The following CTSH variants were observed in gnomAD, a reference collection of about 807,000 sequenced individuals.
CTSH encodes the protein cathepsin H, also known as pro-cathepsin H.
CTSH carries 52 observed loss-of-function variants against 56.3 expected under a neutral mutation model. The ratio of observed to expected loss-of-function variants is 0.92; its 90% CI spans 0.74 to 1.16. CTSH has a LOEUF of 1.16. CTSH is among the 50% of genes most tolerant of loss of function. The pLI is 0.00. For missense variants in CTSH, 406 were observed against 424.5 expected (o/e 0.96, Z 0.38); for synonymous variants, 174 against 155.7 (o/e 1.12, Z -0.88).
At chr15:78,936,181 T>C (rs915691293) in intron 3 of CTSH, among the ~76,000 whole-genome samples, 5 of 4,736 alleles carry the variant, frequency 1.1e-3, no homozygotes, top group Non-Finnish European at 2.9e-3. Flanking sequence ...TTTTCTTTTC[T>C]TTTTTTTTTT....
At chr15:78,928,103 GC>G (rs1362371292) in intron 8 of CTSH, among the ~76,000 whole-genome samples, 1 of 152,186 alleles carries the variant, frequency 6.6e-6, no homozygotes, top group Non-Finnish European at 1.5e-5. Context: ...GACAGTCTCA[GC>G]CCAAAAAACA....
At chr15:78,935,203 C>T (rs2055150579) in intron 4 of CTSH, 121 bp from the exon 5 acceptor site, 1 of 688,188 alleles carries the variant, frequency 1.5e-6, no homozygotes. Context: ...GGCTGCAGCT[C>T]TCAGAACCTT....
intron 11 of CTSH, 88 bp downstream of exon 11, chr15:78,922,905 C>T (rs2289692): frequency 0.05 from 74,047 of 1,483,848 alleles, 2,059 homozygotes; most frequent in Middle Eastern, 0.098. Flanking sequence ...CTGTGGAAGC[C>T]GTAACTCTGA....
intron 1 of CTSH, among the ~76,000 whole-genome samples, chr15:78,940,632 C>T (rs1402800611): frequency 2.0e-5 from 3 of 152,100 alleles, no homozygotes; most frequent in Non-Finnish European, 4.4e-5. Context: ...TTGATATCCA[C>T]CATCAGTAAC....
chr15:78,925,573 GC>G (rs2054886798), intron 9 of CTSH, 133 bp from the exon 10 acceptor site: 6 of 621,402 alleles, frequency 9.7e-6, no homozygotes, highest in Non-Finnish European at 1.5e-5. Context: ...CTCCCCTGCG[GC>G]CTCTCTCCCT....
Position 78,927,693 on chromosome 15 carries a change from A to G in CTSH, c.699+20T>C. The G allele has an allele frequency of 6.2e-7, 1 of 1,609,832 alleles. No homozygotes were observed. The highest frequency in any genetic ancestry group is 1.1e-5 in the South Asian group (1 of 91,002). ...CTCATCAGGACACATTCCCCATCCC[A>G]GAGGGGGATCGGCACTCACGATTGT... On this transcript the variant is annotated intron_variant, in intron 9 of 11. Transcript: ENST00000220166.
intron 6 of CTSH, chr15:78,932,161 A>G: frequency 1.0e-6 from 1 of 980,502 alleles, no homozygotes; most frequent in Non-Finnish European, 1.4e-6. Context: ...TCTAGGAATG[A>G]GCCCTTGGGC....
chr15:78,929,116 G>A (rs2141529872), intron 8 of CTSH, among the ~76,000 whole-genome samples: 1 of 152,086 alleles, frequency 6.6e-6, no homozygotes, highest in East Asian at 1.9e-4. Flanking sequence ...AGAGGAGCCA[G>A]GAAGATGGGG....
intron 9 of CTSH, 24 bp downstream of exon 9, chr15:78,927,689 T>C (rs756933968): frequency 6.2e-7 from 1 of 1,611,206 alleles, no homozygotes; most frequent in East Asian, 2.2e-5. Context: ...ACATTCCCCA[T>C]CCCAGAGGGG....
At chr15:78,935,827 A>G (rs2055162683) in intron 3 of CTSH, 77 bp from the exon 4 acceptor site, 2 of 1,050,642 alleles carry the variant, frequency 1.9e-6, no homozygotes, top group African/African-American at 3.2e-5. Context: ...AAGTGATGAA[A>G]CCTCCTGTTT....
intron 1 of CTSH, among the ~76,000 whole-genome samples, chr15:78,942,575 A>G (rs1440860659): frequency 6.6e-6 from 1 of 152,198 alleles, no homozygotes; most frequent in Non-Finnish European, 1.5e-5. Context: ...CTCCTCTTCA[A>G]TTCAGTTTCC....
In CTSH at chr15:78,921,898, T is replaced by G; in HGVS notation, c.*232A>C. ...CGTGGTCCATGTGGTTTGAGTCTGT[T>G]AAGAAGGACACTAAGGCACATGGCT... is the stretch of plus-strand genomic sequence containing the variant. On this transcript the variant is annotated 3_prime_UTR_variant, in exon 12 of 12. Transcript: ENST00000220166. 2.3e-5 allele frequency: 13 copies of G among 563,260 alleles called. No homozygotes were observed. Among genetic ancestry groups the G allele is most frequent in the Non-Finnish European group, 3.5e-5 (11 of 315,942 alleles). The allele number at this position is 563,260 out of a possible 1,614,324, so 34.9% of individuals were successfully genotyped here. A position where few individuals can be genotyped will look rare whatever the true frequency, so the allele number is the denominator to read the frequency against.
At chr15:78,942,676 G>A (rs778204299) in intron 1 of CTSH, among the ~76,000 whole-genome samples, 43 of 152,162 alleles carry the variant, frequency 2.8e-4, no homozygotes, top group Non-Finnish European at 5.9e-4. Flanking sequence ...CATGGGTTCA[G>A]GTTCAGATTG....
At chr15:78,923,284 T>G (rs1452665504) in intron 10 of CTSH, among the ~76,000 whole-genome samples, 166 bp from the exon 11 acceptor site, 1 of 152,218 alleles carries the variant, frequency 6.6e-6, no homozygotes, top group Non-Finnish European at 1.5e-5. Context: ...GTGAGAGAAC[T>G]CCTTTCAGTT....
At position 78,925,349 on chromosome 15, in the gene CTSH, G is replaced by T. The variant is rs117238468; in HGVS notation, c.791C>A (p.Thr264Asn). 5 of 1,611,304 alleles carry T rather than the reference G, an allele frequency of 3.1e-6. No individual in the cohort carries two copies. Among genetic ancestry groups the T allele is most frequent in the Middle Eastern group, 1.7e-4 (1 of 6,050 alleles). Reference sequence around the variant, plus strand: ...CCTGACTCACCTGGAGTAGATGCCGGTTCTATACATCATGAAGTCCTGAGT... The same window carrying T: ...CCTGACTCACCTGGAGTAGATGCCGTTTCTATACATCATGAAGTCCTGAGT... ...EVTQDFMMYR[T>N]GIYSSTSCHK... Residue 264 changes from threonine (T) to asparagine (N), a missense_variant, in exon 10 of 12, where the codon ACC becomes AAC. Coordinates refer to ENST00000220166, the MANE Select transcript of CTSH (RefSeq NM_004390.5).
At chr15:78,939,273 G>A in intron 1 of CTSH, 102 bp from the exon 2 acceptor site, 2 of 916,980 alleles carry the variant, frequency 2.2e-6, no homozygotes, top group Non-Finnish European at 3.3e-6. Flanking sequence ...TCGAAAACTG[G>A]ACTAAATTTA....
chr15:78,933,710 T>C, intron 5 of CTSH: 1 of 284,696 alleles, frequency 3.5e-6, no homozygotes, highest in South Asian at 3.1e-5. Flanking sequence ...TGGTTTTGAG[T>C]CCCCTTTGTC....
intron 1 of CTSH, among the ~76,000 whole-genome samples, chr15:78,943,043 A>G (rs1002603760): frequency 5.3e-5 from 8 of 152,096 alleles, no homozygotes; most frequent in African/African-American, 1.7e-4. Flanking sequence ...ACAGACCTCA[A>G]CTCAGGACAA....
At chr15:78,924,813 C>T (rs1230659821) in intron 10 of CTSH, among the ~76,000 whole-genome samples, 1 of 151,640 alleles carries the variant, frequency 6.6e-6, no homozygotes, top group Non-Finnish European at 1.5e-5. Flanking sequence ...TCTCAGCCTC[C>T]CGAGTAGCTG....
Sources: gnomAD v4.1 joint callset for allele counts (sites outside exome capture counted in the v4.1 genomes callset) on GRCh38, gnomAD v4.1.1 for gene constraint, MANE v1.5 for transcripts, NCBI Gene and HGNC (gene_info 2026-07-23, HGNC 2026-07-21) for gene names.